Variants in SND1 observed in about 807,000 individuals in gnomAD.
SND1 encodes staphylococcal nuclease and tudor domain containing 1, also known as staphylococcal nuclease domain-containing protein 1.
In SND1, 38 loss-of-function variants were observed where a neutral mutation model predicts 121.7. The observed-to-expected ratio is 0.31, with a 90% CI of 0.24 to 0.41. SND1 has a LOEUF of 0.41. Ranked by LOEUF, SND1 falls within the 10% of genes least tolerant of loss-of-function variation. The pLI, the probability that SND1 is intolerant of heterozygous loss-of-function variation, is 1.00. For synonymous variants in SND1, 401 were observed against 447.4 expected, an observed-to-expected ratio of 0.90 and a Z score of 1.31; for missense variants, 868 against 1,184.6, an observed-to-expected ratio of 0.73 and a Z score of 3.92.
chr7:127,730,056 G>A (rs1438687381), intron 10 of SND1, among the ~76,000 whole-genome samples: 1 of 151,784 alleles, frequency 6.6e-6, no homozygotes, highest in Non-Finnish European at 1.5e-5. Context: ...CTCTGCCTCT[G>A]CCTCTGCCTT....
chr7:128,036,250 C>T (rs1792749272), intron 16 of SND1, among the ~76,000 whole-genome samples: 1 of 151,968 alleles, frequency 6.6e-6, no homozygotes, highest in Admixed American at 6.6e-5. Context: ...GTGCAAACAC[C>T]TATCAGGGAC....
At chr7:127,792,313 TAG>T (rs907712265) in intron 10 of SND1, among the ~76,000 whole-genome samples, 1 of 152,146 alleles carries the variant, frequency 6.6e-6, no homozygotes, top group African/African-American at 2.4e-5. Context: ...ATTTTCTCTG[TAG>T]AGTGTTGTTT....
In SND1 at chr7:128,091,142, T is replaced by C. The variant is rs117783933; in HGVS notation, c.2623-695T>C. On this transcript the variant is annotated intron_variant, in intron 22 of 23. Coordinates refer to ENST00000354725, the MANE Select transcript of SND1 (RefSeq NM_014390.4). ...CATAATAAGTAAATTAAATAGGATA[T>C]TAGAAGATGATAACTGCAGTGAAAA... 6.1e-3 allele frequency among the ~76,000 whole-genome samples: 926 copies of C among 152,240 alleles called. 4 individuals carry two copies. The highest frequency in any genetic ancestry group is 0.01 in the Non-Finnish European group (691 of 68,016).
At chr7:128,081,314 C>T (rs1286867291) in intron 17 of SND1, 46 bp from the exon 18 acceptor site, 3 of 1,610,630 alleles carry the variant, frequency 1.9e-6, no homozygotes, top group Non-Finnish European at 2.5e-6. Context: ...TCTTTTATGA[C>T]TTCACTTCCT....
At chr7:127,698,770 T>G (rs1796050944) in intron 3 of SND1, 105 bp from the exon 4 acceptor site, 4 of 850,480 alleles carry the variant, frequency 4.7e-6, no homozygotes, top group Non-Finnish European at 8.0e-6. Flanking sequence ...TCTGGCAGCA[T>G]TATTCTCCTT....
intron 13 of SND1, among the ~76,000 whole-genome samples, chr7:127,900,193 A>G (rs1375834726): frequency 1.3e-5 from 2 of 152,204 alleles, no homozygotes; most frequent in African/African-American, 2.4e-5. Context: ...GACGTGCACT[A>G]TGTCCCCAGG....
intron 10 of SND1, among the ~76,000 whole-genome samples, chr7:127,792,111 CTT>C (rs1797919105): frequency 6.6e-6 from 1 of 152,146 alleles, no homozygotes; most frequent in Non-Finnish European, 1.5e-5. Flanking sequence ...AAAGTCTTCT[CTT>C]TACTTTGTGT....
intron 17 of SND1, among the ~76,000 whole-genome samples, chr7:128,079,577 G>A (rs978035622): frequency 1.2e-4 from 19 of 152,228 alleles, no homozygotes; most frequent in African/African-American, 4.3e-4. Flanking sequence ...GTAGGATGGT[G>A]GAAAGCTTGG....
intron 10 of SND1, among the ~76,000 whole-genome samples, chr7:127,769,235 T>C (rs930068695): frequency 6.6e-6 from 1 of 151,382 alleles, no homozygotes; most frequent in Non-Finnish European, 1.5e-5. Flanking sequence ...AGCCCAAAAG[T>C]ATTAGGTAGA....
intron 7 of SND1, 88 bp downstream of exon 7, chr7:127,703,411 T>TTTAA: frequency 1.4e-6 from 2 of 1,459,922 alleles, no homozygotes; most frequent in Non-Finnish European, 1.9e-6. Flanking sequence ...TTTCTCTGTA[T>TTTAA]TTAACATCCA....
At chr7:127,686,826 G>A (rs1795822697) in intron 2 of SND1, 64 bp downstream of exon 2, 11 of 1,526,496 alleles carry the variant, frequency 7.2e-6, no homozygotes, top group Non-Finnish European at 9.9e-6. Context: ...GTCTTCTGTC[G>A]CTGATGCCAT....
chr7:127,655,952 G>T (rs1030213541), intron 1 of SND1, among the ~76,000 whole-genome samples: 3 of 152,140 alleles, frequency 2.0e-5, no homozygotes, highest in African/African-American at 7.2e-5. Context: ...CCTACTTATG[G>T]TGTGGAAGGC....
At chr7:127,814,808 G>A (rs1798400282) in intron 11 of SND1, among the ~76,000 whole-genome samples, 1 of 152,134 alleles carries the variant, frequency 6.6e-6, no homozygotes, top group Non-Finnish European at 1.5e-5. Flanking sequence ...CAGTTTGTTT[G>A]CGTGTGAGAA....
chr7:127,903,611 A>G (rs1276467452), intron 13 of SND1, among the ~76,000 whole-genome samples: 1 of 151,756 alleles, frequency 6.6e-6, no homozygotes, highest in East Asian at 1.9e-4. Context: ...TAAAAGCCCA[A>G]GTGTGAAAGA....
chr7:127,874,739 C>T (rs1228994037), intron 12 of SND1, among the ~76,000 whole-genome samples: 1 of 152,074 alleles, frequency 6.6e-6, no homozygotes, highest in Non-Finnish European at 1.5e-5. Flanking sequence ...AATCATTTCT[C>T]CCATACCCCT....
chr7:128,038,656 T>C (rs1792795127), intron 16 of SND1, among the ~76,000 whole-genome samples: 1 of 151,922 alleles, frequency 6.6e-6, no homozygotes, highest in Admixed American at 6.6e-5. Context: ...GAGATGTTTT[T>C]CATTATTTGT....
chr7:128,033,287 A>G (rs1415727320), intron 16 of SND1, among the ~76,000 whole-genome samples: 6 of 152,118 alleles, frequency 3.9e-5, no homozygotes, highest in Admixed American at 6.5e-5. Context: ...CTGAAAAAAG[A>G]CTGCCCCTTT....
chr7:127,948,499 G>A (rs765082055), intron 15 of SND1, among the ~76,000 whole-genome samples: 19 of 152,194 alleles, frequency 1.2e-4, no homozygotes, highest in Non-Finnish European at 2.8e-4. Flanking sequence ...TTAGAAGACC[G>A]TCTGTGTCTT....
At chr7:127,702,095 G>A (rs1262859241) in intron 5 of SND1, among the ~76,000 whole-genome samples, 1 of 152,160 alleles carries the variant, frequency 6.6e-6, no homozygotes, top group African/African-American at 2.4e-5. Flanking sequence ...TGTAAAATAA[G>A]ATTTTTACCA....
Sources: allele counts gnomAD v4.1 joint callset (sites outside exome capture counted in the v4.1 genomes callset), GRCh38; gene constraint gnomAD v4.1.1; transcripts MANE v1.5; gene names NCBI Gene and HGNC (gene_info 2026-07-23, HGNC 2026-07-21).